MAGI1: variants seen among roughly 807,000 people sequenced by gnomAD.
The protein encoded by MAGI1 is membrane associated guanylate kinase, WW and PDZ domain containing 1.
MAGI1 carries 58 observed loss-of-function variants against 139.9 expected under a neutral mutation model. That is an observed-to-expected ratio of 0.41 (90% CI 0.34 to 0.52). The LOEUF (loss-of-function observed/expected upper bound fraction) is 0.52, where lower values mean the gene tolerates loss of function less well. Among genes scored for constraint, MAGI1 ranks in the 20% least tolerant of loss-of-function variants. The pLI, the probability that MAGI1 is intolerant of heterozygous loss-of-function variation, is 0.12. For missense variants in MAGI1, 1,874 were observed against 1,901.6 expected (o/e 0.99, Z 0.27); for synonymous variants, 812 against 737.9 (o/e 1.10, Z -1.63).
intron 16 of MAGI1, among the ~76,000 whole-genome samples, chr3:65,381,157 GACAA>G (rs1385792279): frequency 2.0e-5 from 3 of 151,902 alleles, no homozygotes; most frequent in African/African-American, 7.2e-5. Context: ...CAAGGGAAAG[GACAA>G]ACACTCACAC....
chr3:65,522,675 T>A (rs1349053511), intron 2 of MAGI1, among the ~76,000 whole-genome samples: 1 of 152,168 alleles, frequency 6.6e-6, no homozygotes, highest in African/African-American at 2.4e-5. Flanking sequence ...TCCCCAGTCA[T>A]AGGTGTCAGT....
chr3:65,356,685 CG>C lies in MAGI1; in HGVS notation c.4081del (p.Arg1361AlafsTer74), dbSNP rs778690306. 1 of 1,590,918 alleles carries C rather than the reference CG, an allele frequency of 6.3e-7. No individual in the cohort carries two copies. The highest frequency in any genetic ancestry group is 1.1e-5 in the South Asian group (1 of 87,020). On this transcript the variant is annotated frameshift_variant, in exon 23 of 23. Transcript: ENST00000402939. LOFTEE classifies it low-confidence loss of function (END_TRUNC). Reference sequence around the variant, plus strand: ...CCGGCTGGGGGAGCCGTCTCTCCTGCGGGTGGGTGACCGCTCTCGCCTCCGC... The same window carrying C: ...CCGGCTGGGGGAGCCGTCTCTCCTGCGGTGGGTGACCGCTCTCGCCTCCGC... ...PERRRERSPT[R>X]RRDGSPSRRR... is the part of the protein sequence containing the mutation.
At chr3:65,445,669 G>A (rs1265171701) in intron 7 of MAGI1, among the ~76,000 whole-genome samples, 1 of 152,182 alleles carries the variant, frequency 6.6e-6, no homozygotes, top group Non-Finnish European at 1.5e-5. Context: ...AGGTTCTGCA[G>A]GTGCTTTTTA....
intron 2 of MAGI1, among the ~76,000 whole-genome samples, chr3:65,592,203 C>G: frequency 6.6e-6 from 1 of 152,076 alleles, no homozygotes; most frequent in East Asian, 1.9e-4. Flanking sequence ...CTAAATCAGC[C>G]AGCCCTAGCA....
chr3:66,014,496 A>G (rs903884338), intron 1 of MAGI1, among the ~76,000 whole-genome samples: 1 of 152,204 alleles, frequency 6.6e-6, no homozygotes, highest in African/African-American at 2.4e-5. Context: ...GGGAGATACC[A>G]TATAATTTTT....
At chr3:65,452,755 T>C (rs1278107150) in intron 6 of MAGI1, 16 of 153,326 alleles carry the variant, frequency 1.0e-4, no homozygotes, top group Admixed American at 1.0e-3. Context: ...CTACATATTG[T>C]GGGTATACTC....
intron 2 of MAGI1, chr3:65,549,621 G>C: frequency 3.5e-6 from 1 of 288,708 alleles, no homozygotes; most frequent in Non-Finnish European, 5.2e-6. Flanking sequence ...TCCGGGCTGC[G>C]GCTGGTACCC....
intron 4 of MAGI1, among the ~76,000 whole-genome samples, chr3:65,474,426 A>G (rs943964831): frequency 3.3e-5 from 5 of 152,232 alleles, no homozygotes; most frequent in Non-Finnish European, 7.3e-5. Flanking sequence ...CCCATTGTTC[A>G]GTGGTGTAAC....
intron 1 of MAGI1, among the ~76,000 whole-genome samples, chr3:65,862,608 T>C (rs2108448529): frequency 6.6e-6 from 1 of 152,266 alleles, no homozygotes; most frequent in African/African-American, 2.4e-5. Context: ...CTAACAGAAA[T>C]GTGAACTCAA....
Position 65,753,676 on chromosome 3 carries a change from G to A in MAGI1, c.314-131588C>T, listed in dbSNP as rs532720104. On this transcript the variant is annotated intron_variant, in intron 1 of 22. Transcript: ENST00000402939. ...GCAGAGGTTCCAGTGAGCCAAGATC[G>A]CACCACCACAAACTCCATCTCAAAA... Among the ~76,000 whole-genome samples, 20 of 142,096 alleles carry A rather than the reference G, an allele frequency of 1.4e-4. No individual in the cohort carries two copies. In the South Asian group the frequency reaches 2.7e-3, roughly 19 times the overall value. 93.2% of individuals were successfully genotyped at this position (142,096 alleles called of 152,430 possible).
chr3:65,569,773 G>A (rs1407485085), intron 2 of MAGI1, among the ~76,000 whole-genome samples: 1 of 151,822 alleles, frequency 6.6e-6, no homozygotes, highest in Non-Finnish European at 1.5e-5. Context: ...TCTACTTGGG[G>A]GGCTGATGGG....
At chr3:65,688,225 T>C (rs1044753558) in intron 1 of MAGI1, 2 of 805,322 alleles carry the variant, frequency 2.5e-6, no homozygotes, top group South Asian at 1.3e-5. Context: ...CAGCAGGACA[T>C]AGTCTGCTAC....
chr3:66,021,925 T>C, intron 1 of MAGI1, among the ~76,000 whole-genome samples: 1 of 152,184 alleles, frequency 6.6e-6, no homozygotes, highest in East Asian at 1.9e-4. Context: ...AAGTTGATGA[T>C]TTTCTTCAAG....
chr3:65,611,461 T>C (rs1379616444), intron 2 of MAGI1, among the ~76,000 whole-genome samples: 2 of 145,330 alleles, frequency 1.4e-5, no homozygotes, highest in Admixed American at 1.4e-4. Context: ...CTGTTTATAC[T>C]GTATATATAC....
intron 1 of MAGI1, among the ~76,000 whole-genome samples, chr3:65,992,623 G>A (rs1305327259): frequency 6.6e-6 from 1 of 152,088 alleles, no homozygotes; most frequent in African/African-American, 2.4e-5. Context: ...CATCTGGGAG[G>A]GCAACCAAAA....
At chr3:65,433,786 AG>A (rs1249719678) in intron 10 of MAGI1, among the ~76,000 whole-genome samples, 3 of 152,046 alleles carry the variant, frequency 2.0e-5, no homozygotes, top group African/African-American at 7.2e-5. Flanking sequence ...TTTCCCTGCC[AG>A]GATGGGGGGA....
At chr3:65,823,001 T>G (rs2042030820) in intron 1 of MAGI1, among the ~76,000 whole-genome samples, 1 of 152,226 alleles carries the variant, frequency 6.6e-6, no homozygotes, top group South Asian at 2.1e-4. Flanking sequence ...ACTTAGATCC[T>G]TATTCAAACA....
chr3:65,642,268 A>G (rs755584208), intron 1 of MAGI1, among the ~76,000 whole-genome samples: 35 of 152,178 alleles, frequency 2.3e-4, no homozygotes, highest in Non-Finnish European at 3.5e-4. Flanking sequence ...ACCAGCACCA[A>G]TGAATGCTTG....
chr3:65,652,026 C>G (rs948834668), intron 1 of MAGI1, among the ~76,000 whole-genome samples: 4 of 152,166 alleles, frequency 2.6e-5, no homozygotes, highest in African/African-American at 9.6e-5. Context: ...ATGAACAAAA[C>G]AATATCTACT....
Sources: allele counts gnomAD v4.1 joint callset (sites outside exome capture counted in the v4.1 genomes callset), GRCh38; gene constraint gnomAD v4.1.1; transcripts MANE v1.5; gene names NCBI Gene and HGNC (gene_info 2026-07-23, HGNC 2026-07-21).